Variants in GBF1 observed in about 807,000 individuals in gnomAD.
GBF1 encodes the protein golgi brefeldin A resistant guanine nucleotide exchange factor 1.
GBF1 carries 114 observed loss-of-function variants against 210.5 expected under a neutral mutation model. The observed-to-expected ratio is 0.54, with a 90% confidence interval of 0.47 to 0.63. The LOEUF is 0.63. GBF1 is among the 30% of genes least tolerant of loss of function. GBF1 has a pLI of 0.00. For synonymous variants in GBF1, 850 were observed against 889.2 expected, an observed-to-expected ratio of 0.96 and a Z score of 0.78; for missense variants, 1,851 against 2,357.7, an observed-to-expected ratio of 0.79 and a Z score of 4.45.
chr10:102,248,949 G>T (rs1432085424), intron 1 of GBF1, among the ~76,000 whole-genome samples: 2 of 152,092 alleles, frequency 1.3e-5, no homozygotes, highest in South Asian at 4.2e-4. Context: ...CCTTTATTTA[G>T]AAGAGCCAAC....
At chr10:102,302,576 T>G (rs563801040) in intron 3 of GBF1, among the ~76,000 whole-genome samples, 1 of 152,338 alleles carries the variant, frequency 6.6e-6, no homozygotes, top group Non-Finnish European at 1.5e-5. Flanking sequence ...TTTAGAGTAT[T>G]TAATGACTTT....
chr10:102,254,337 C>T (rs1312954102), intron 1 of GBF1, among the ~76,000 whole-genome samples: 2 of 151,954 alleles, frequency 1.3e-5, no homozygotes, highest in East Asian at 1.9e-4. Context: ...AGTTTGAGTC[C>T]AGCCTGGGCA....
chr10:102,280,721 G>A (rs1391855776), intron 3 of GBF1, among the ~76,000 whole-genome samples: 1 of 152,198 alleles, frequency 6.6e-6, no homozygotes, highest in East Asian at 1.9e-4. Flanking sequence ...AGGAAGCATG[G>A]ATTAGTGTGT....
intron 39 of GBF1, 141 bp downstream of exon 39, chr10:102,381,396 C>T: frequency 3.9e-6 from 3 of 772,770 alleles, no homozygotes; most frequent in East Asian, 2.7e-5. Context: ...TGTTGCCGCT[C>T]TTCCCATGGG....
intron 3 of GBF1, among the ~76,000 whole-genome samples, chr10:102,331,851 A>AT (rs869198412): frequency 0.069 from 5,915 of 85,208 alleles, 812 homozygotes; most frequent in African/African-American, 0.1. Flanking sequence ...TACCTGGCTA[A>AT]TTTTTTTTTT....
At chr10:102,288,873 G>T (rs2076206550) in intron 3 of GBF1, among the ~76,000 whole-genome samples, 1 of 152,058 alleles carries the variant, frequency 6.6e-6, no homozygotes, top group Admixed American at 6.6e-5. Context: ...CGCTGAGGCG[G>T]GCGGATTACT....
intron 1 of GBF1, among the ~76,000 whole-genome samples, chr10:102,254,368 T>TA (rs900741795): frequency 4.6e-5 from 7 of 151,452 alleles, no homozygotes; most frequent in South Asian, 4.2e-4. Flanking sequence ...ACCCTATCTC[T>TA]AAAAAAAAAT....
chr10:102,340,422 C>T (rs1310875741), intron 3 of GBF1, among the ~76,000 whole-genome samples: 6 of 151,950 alleles, frequency 3.9e-5, no homozygotes, highest in East Asian at 1.9e-4. Context: ...TACAGGCTCC[C>T]GCCACCACGC....
At chr10:102,288,976 G>A (rs1490386051) in intron 3 of GBF1, among the ~76,000 whole-genome samples, 6 of 152,106 alleles carry the variant, frequency 3.9e-5, no homozygotes, top group East Asian at 1.9e-4. Flanking sequence ...GGTGGCACAC[G>A]TTTGTAATCC....
intron 1 of GBF1, among the ~76,000 whole-genome samples, chr10:102,246,123 C>T (rs933738024): frequency 3.9e-5 from 6 of 152,166 alleles, no homozygotes; most frequent in African/African-American, 9.7e-5. Flanking sequence ...TGAAAGCAAA[C>T]CTAAGGAGCA....
intron 3 of GBF1, among the ~76,000 whole-genome samples, chr10:102,269,375 G>C (rs2074180570): frequency 1.3e-5 from 2 of 152,186 alleles, no homozygotes; most frequent in Non-Finnish European, 2.9e-5. Flanking sequence ...GGAAAGGCAG[G>C]GCCAGATGTA....
At chr10:102,278,687 T>C (rs567376138) in intron 3 of GBF1, among the ~76,000 whole-genome samples, 1 of 152,224 alleles carries the variant, frequency 6.6e-6, no homozygotes. Flanking sequence ...TATTGTTAAC[T>C]ATAGTCTCCC....
upstream of GBF1, among the ~76,000 whole-genome samples, chr10:102,240,713 G>A (rs2070512124): frequency 6.6e-6 from 1 of 152,224 alleles, no homozygotes; most frequent in Admixed American, 6.5e-5. Flanking sequence ...GACCCTTCTG[G>A]GCCCAGACAC....
chr10:102,312,223 G>T (rs921200469), intron 3 of GBF1, among the ~76,000 whole-genome samples: 1 of 152,040 alleles, frequency 6.6e-6, no homozygotes, highest in Admixed American at 6.6e-5. Context: ...AACCTCGGGG[G>T]TGGAGGTTGC....
chr10:102,348,471 A>G (rs1277109051), intron 4 of GBF1, among the ~76,000 whole-genome samples: 1 of 152,234 alleles, frequency 6.6e-6, no homozygotes, highest in Non-Finnish European at 1.5e-5. Context: ...AGATGGGAAC[A>G]AGGCTACTAT....
Position 102,358,062 on chromosome 10 carries a change from G to A in GBF1, c.663G>A (p.Met221Ile). The stretch of plus-strand genomic sequence containing the variant: ...AGCTGAAAATGAGAGCCGGAGGCAT[G>A]AGTGATTCATCCAAATGGAAGAAAC... ...MKKLKMRAGG[M>I]SDSSKWKKQK... Residue 221 changes from methionine to isoleucine, a missense_variant, in exon 9 of 40, where the codon ATG becomes ATA. Met to Ile is a conservative substitution (Grantham distance 10). Around this residue, in one of 3 missense-constraint regions of GBF1, gnomAD observed 804 missense variants for 958.6 expected, o/e 0.84. Coordinates refer to ENST00000369983, the MANE Select transcript of GBF1 (RefSeq NM_001377137.1). The A allele has an allele frequency of 6.2e-7, 1 of 1,608,494 alleles. No homozygotes were observed. The highest frequency in any genetic ancestry group is 8.5e-7 in the Non-Finnish European group (1 of 1,174,922).
At position 102,367,123 on chromosome 10, in the gene GBF1, C is replaced by T; in HGVS notation, c.2472C>T (p.Cys824=). Residue 824 remains cysteine (C), a synonymous_variant, in exon 20 of 40, where the codon TGC becomes TGT. Coordinates refer to ENST00000369983, the MANE Select transcript of GBF1 (RefSeq NM_001377137.1). ...NGSPFANSDA[C]FSLAYAVIML... ...CCCCATTTGCCAATAGCGATGCCTG[C>T]TTTTCCCTGGCCTATGCTGTCATCA... is the stretch of plus-strand genomic sequence containing the variant. 6.2e-7 allele frequency: 1 copy of T among 1,614,106 alleles called. No homozygotes were observed. Among genetic ancestry groups the T allele is most frequent in the Non-Finnish European group, 8.5e-7 (1 of 1,179,952 alleles).
Position 102,333,647 on chromosome 10 carries a change from G to A in GBF1, c.164-10404G>A, listed in dbSNP as rs1022241157. Among the ~76,000 whole-genome samples the A allele has an allele frequency of 8.6e-5, 13 of 151,980 alleles. 1 individual carries two copies. The South Asian group carries it at 1.0e-3, about 12-fold the overall frequency. On this transcript the variant is annotated intron_variant, in intron 3 of 39. Transcript: ENST00000369983. ...TCACTATGTCGCCCAGGCTGGTCTC[G>A]AACTGCTGGGCTCAAGTGATTCTCC...
chr10:102,284,840 A>C (rs973569207), intron 3 of GBF1, among the ~76,000 whole-genome samples: 1 of 152,158 alleles, frequency 6.6e-6, no homozygotes, highest in Non-Finnish European at 1.5e-5. Flanking sequence ...ACTGCCAAAC[A>C]GTTTTCTATA....
Sources: allele counts gnomAD v4.1 joint callset (sites outside exome capture counted in the v4.1 genomes callset), GRCh38; gene constraint gnomAD v4.1.1; regional missense constraint gnomAD v4.1.1; transcripts MANE v1.5; gene names NCBI Gene and HGNC (gene_info 2026-07-23, HGNC 2026-07-21).